The following FDXR variants were observed in gnomAD, a reference collection of about 807,000 sequenced individuals.
The protein encoded by FDXR is ferredoxin reductase.
Under a neutral mutation model 58.3 loss-of-function variants are expected in FDXR, and 38 were observed. The ratio of observed to expected loss-of-function variants is 0.65; its 90% confidence interval spans 0.50 to 0.85. The LOEUF (loss-of-function observed/expected upper bound fraction) is 0.85, where lower values mean the gene tolerates loss of function less well. Ranked by LOEUF, FDXR falls within the 40% of genes least tolerant of loss-of-function variation. The pLI is 0.00. For missense variants in FDXR, 624 were observed against 671.0 expected, an observed-to-expected ratio of 0.93 and a Z score of 0.77; for synonymous variants, 275 against 273.8, an observed-to-expected ratio of 1.00 and a Z score of -0.04.
Position 74,871,139 on chromosome 17 carries a change from C to T in FDXR, c.177+897G>A, listed in dbSNP as rs895693316. ...AGTTTCTGATTGACCCCACCTGCCT[C>T]GGCTCACGCTGCCCACATTATTGTA... On this transcript the variant is annotated intron_variant, in intron 2 of 11. Coordinates refer to ENST00000293195, the MANE Select transcript of FDXR (RefSeq NM_024417.5). 5.3e-5 allele frequency among the ~76,000 whole-genome samples: 8 copies of T among 152,278 alleles called. No homozygotes were observed. The East Asian group carries it at 1.6e-3, about 30-fold the overall frequency.
intron 10 of FDXR, 82 bp from the exon 11 acceptor site, chr17:74,863,328 C>T (rs2038042919): frequency 5.9e-6 from 8 of 1,354,398 alleles, no homozygotes; most frequent in African/African-American, 5.7e-5. Flanking sequence ...TCTACACCCA[C>T]GTGCACGCAC....
chr17:74,870,797 C>CTTTTTT (rs200476203), intron 2 of FDXR, among the ~76,000 whole-genome samples: 6 of 88,428 alleles, frequency 6.8e-5, no homozygotes, highest in Admixed American at 1.5e-4. Context: ...CACTGTCTCT[C>CTTTTTT]TTTTTTTTTT....
chr17:74,868,428 C>T (rs2038266758), intron 2 of FDXR: 1 of 727,420 alleles, frequency 1.4e-6, no homozygotes, highest in Admixed American at 2.0e-5. Context: ...AGAGAGCTAT[C>T]ATTACTATTC....
rs1438235719 is a variant in FDXR, at chr17:74,862,742, C to A, written c.*75G>T. The A allele has an allele frequency of 2.6e-6, 4 of 1,518,292 alleles. No individual in the cohort carries two copies. The highest frequency in any genetic ancestry group is 3.5e-6 in the Non-Finnish European group (4 of 1,134,894). The allele number at this position is 1,518,292 out of a possible 1,614,324, so 94.1% of individuals were successfully genotyped here. A position where few individuals can be genotyped will look rare whatever the true frequency, so the allele number is the denominator to read the frequency against. On this transcript the variant is annotated 3_prime_UTR_variant, in exon 12 of 12. Coordinates refer to ENST00000293195, the MANE Select transcript of FDXR (RefSeq NM_024417.5). ...CCGGGATCAGCAGAGGTGCAAAGTC[C>A]CACTCAGACGGACCCAGCCCTTCCC...
At position 74,866,578 on chromosome 17, in the gene FDXR, C is replaced by G; in HGVS notation, c.271-10G>C. On this transcript the variant is annotated splice_polypyrimidine_tract_variant and intron_variant, in intron 3 of 11. Transcript: ENST00000293195. ...ATGTGTTGATGACATTCTGCCAGGT[C>G]CCCCGGGAATGGGAGGGGTTAGAGG... The G allele has an allele frequency of 1.2e-6, 2 of 1,613,472 alleles. No homozygotes were observed. Among genetic ancestry groups the G allele is most frequent in the Non-Finnish European group, 1.7e-6 (2 of 1,180,004 alleles).
intron 10 of FDXR, 124 bp downstream of exon 10, chr17:74,863,752 GGCGGCACTGGGTCCTAGAGA>G (rs2038059001): frequency 1.0e-6 from 1 of 994,722 alleles, no homozygotes; most frequent in Non-Finnish European, 1.5e-6. Flanking sequence ...CCAAGAGGAG[GGCGGCACTGGGTCCTAGAGA>G]GGGCCTGCCC....
chr17:74,863,386 G>GA, intron 10 of FDXR, 140 bp from the exon 11 acceptor site: 2 of 811,620 alleles, frequency 2.5e-6, no homozygotes, highest in Non-Finnish European at 3.9e-6. Context: ...GCCTGCTGTG[G>GA]CCGCTGGTCC....
In FDXR at chr17:74,865,766, C is replaced by A. The variant is rs2144657829; in HGVS notation, c.562G>T (p.Ala188Ser). The A allele has an allele frequency of 6.2e-7, 1 of 1,613,670 alleles. No individual in the cohort carries two copies. The change falls in exon 6 of 12, where the codon GCT becomes TCT. Residue 188 changes from alanine (A) to serine (S), a missense_variant. Coordinates refer to ENST00000293195, the MANE Select transcript of FDXR (RefSeq NM_024417.5). The stretch of plus-strand genomic sequence containing the variant: ...AGTAGGATGCGGGCCACGTCCAGAG[C>A]CACGTTCCCCTGCCCCAGAATCACG... ...TAVILGQGNVALDVARILLTP... is the reference protein window; with the variant it reads ...TAVILGQGNVSLDVARILLTP...
At chr17:74,871,107 A>G (rs2038361938) in intron 2 of FDXR, among the ~76,000 whole-genome samples, 2 of 152,144 alleles carry the variant, frequency 1.3e-5, no homozygotes, top group African/African-American at 4.8e-5. Flanking sequence ...CTTCCGGCCC[A>G]GGAAACAGTT....
intron 5 of FDXR, 24 bp from the exon 6 acceptor site, chr17:74,865,844 G>A: frequency 6.4e-7 from 1 of 1,574,054 alleles, no homozygotes; most frequent in Non-Finnish European, 8.7e-7. Context: ...GTCTTGATAG[G>A]GTCCCCCAGC....
intron 2 of FDXR, among the ~76,000 whole-genome samples, chr17:74,867,793 C>G (rs1433734958): frequency 6.6e-6 from 1 of 152,130 alleles, no homozygotes; most frequent in Non-Finnish European, 1.5e-5. Flanking sequence ...GCCACATGAT[C>G]CCAGCAAGTC....
intron 6 of FDXR, 119 bp downstream of exon 6, chr17:74,865,600 G>A (rs1164593789): frequency 1.5e-5 from 10 of 656,622 alleles, no homozygotes; most frequent in African/African-American, 5.4e-5. Flanking sequence ...TGGGCACCAC[G>A]GGGAAACAGA....
chr17:74,872,574 T>C (rs36106739), intron 1 of FDXR: 25,038 of 651,718 alleles, frequency 0.038, 3,131 homozygotes, highest in African/African-American at 0.33. Context: ...ACTCAGACTT[T>C]CCTCTCGCCC....
intron 2 of FDXR, chr17:74,868,523 G>A (rs1458767174): frequency 6.7e-7 from 1 of 1,486,088 alleles, no homozygotes; most frequent in Non-Finnish European, 9.1e-7. Flanking sequence ...CGGCCTAGAG[G>A]TCAACACCTC....
At chr17:74,871,930 C>A in intron 2 of FDXR, 106 bp downstream of exon 2, 1 of 799,382 alleles carries the variant, frequency 1.3e-6, no homozygotes. Context: ...CTGGGAGCCC[C>A]TTCCCCATAA....
chr17:74,872,780 C>T (rs781308923), intron 1 of FDXR, 86 bp downstream of exon 1: 2 of 1,537,754 alleles, frequency 1.3e-6, no homozygotes, highest in African/African-American at 2.7e-5. Context: ...CTTCTCCAGC[C>T]CTGCCCCAGC....
chr17:74,870,003 G>A (rs969952939), intron 2 of FDXR: 2 of 451,718 alleles, frequency 4.4e-6, no homozygotes, highest in African/African-American at 2.0e-5. Flanking sequence ...AGGATGCTAC[G>A]AGATGCTGTG....
chr17:74,868,600 G>A (rs747468439), intron 2 of FDXR: 16 of 1,535,476 alleles, frequency 1.0e-5, no homozygotes, highest in Non-Finnish European at 1.4e-5. Flanking sequence ...TCTGGGTCAC[G>A]ATGTCCTCTC....
In FDXR at chr17:74,867,061, C is replaced by G. The variant is rs556375997; in HGVS notation, c.178-185G>C. 14 of 1,334,910 alleles carry G rather than the reference C, an allele frequency of 1.0e-5. No homozygotes were observed. In the South Asian group the frequency reaches 1.8e-4, roughly 17 times the overall value. 82.7% of individuals were successfully genotyped at this position (1,334,910 alleles called of 1,614,324 possible). ...GTGGCTCGCGCCTGTCAGCCCAGCA[C>G]TTTGGGAGGCTGAGGCAGGTGGATA... On this transcript the variant is annotated intron_variant, in intron 2 of 11. Transcript: ENST00000293195.
Sources: gnomAD v4.1 joint callset for allele counts (sites outside exome capture counted in the v4.1 genomes callset) on GRCh38, gnomAD v4.1.1 for gene constraint, MANE v1.5 for transcripts, NCBI Gene and HGNC (gene_info 2026-07-23, HGNC 2026-07-21) for gene names.